The following COL14A1 variants were observed in gnomAD, a reference collection of about 807,000 sequenced individuals.
COL14A1 encodes the protein collagen alpha-1(XIV) chain.
Under a neutral mutation model 230.3 loss-of-function variants are expected in COL14A1, and 136 were observed. The observed-to-expected ratio is 0.59, with a 90% CI of 0.51 to 0.68. COL14A1 has a LOEUF of 0.68. COL14A1 is among the 30% of genes least tolerant of loss of function. COL14A1 has a pLI of 0.00. For missense variants in COL14A1, 1,976 were observed against 2,215.8 expected (o/e 0.89, Z 2.17); for synonymous variants, 792 against 784.1 (o/e 1.01, Z -0.17).
At chr8:120,177,444 T>G (rs1816315563) in intron 5 of COL14A1, among the ~76,000 whole-genome samples, 1 of 151,094 alleles carries the variant, frequency 6.6e-6, no homozygotes, top group East Asian at 1.9e-4. Context: ...AGGCCACGAG[T>G]TCAAGACCAG....
At chr8:120,346,673 A>C (rs541444376) in intron 45 of COL14A1, among the ~76,000 whole-genome samples, 1 of 152,110 alleles carries the variant, frequency 6.6e-6, no homozygotes, top group East Asian at 1.9e-4. Context: ...TCTTACTCTT[A>C]GTTCAAGGCT....
intron 10 of COL14A1, 24 bp downstream of exon 10, chr8:120,207,118 A>T: frequency 1.3e-6 from 2 of 1,590,358 alleles, no homozygotes; most frequent in Middle Eastern, 1.7e-4. Flanking sequence ...AGTATTTTCA[A>T]ACCATTCTTT....
At chr8:120,367,306 T>C (rs1235882483) in intron 46 of COL14A1, 58 bp downstream of exon 46, 1 of 1,410,494 alleles carries the variant, frequency 7.1e-7, no homozygotes, top group African/African-American at 1.4e-5. Flanking sequence ...TCACTTGGCA[T>C]TGCAAGTGAG....
At chr8:120,351,209 A>G (rs1313642110) in intron 45 of COL14A1, among the ~76,000 whole-genome samples, 3 of 149,254 alleles carry the variant, frequency 2.0e-5, no homozygotes, top group Non-Finnish European at 3.0e-5. Context: ...GACACAACAT[A>G]CCAGAATCTC....
At chr8:120,318,906 C>T (rs1288349241) in intron 40 of COL14A1, among the ~76,000 whole-genome samples, 1 of 152,172 alleles carries the variant, frequency 6.6e-6, no homozygotes, top group Non-Finnish European at 1.5e-5. Flanking sequence ...TTATTTTCCT[C>T]CACTCTGAGC....
At chr8:120,147,964 G>A (rs890149076) in intron 2 of COL14A1, 34 bp downstream of exon 2, 1 of 1,391,900 alleles carries the variant, frequency 7.2e-7, no homozygotes, top group Non-Finnish European at 1.0e-6. Flanking sequence ...GTAGGGTCTG[G>A]GACTCTAGCT....
chr8:120,359,609 A>G (rs1013603066), intron 45 of COL14A1, among the ~76,000 whole-genome samples: 1 of 152,208 alleles, frequency 6.6e-6, no homozygotes, highest in Admixed American at 6.5e-5. Context: ...CTTAATAGCC[A>G]ATAGTGGAAA....
At chr8:120,331,162 G>C (rs1218757975) in intron 40 of COL14A1, among the ~76,000 whole-genome samples, 4 of 136,474 alleles carry the variant, frequency 2.9e-5, no homozygotes, top group Non-Finnish European at 6.4e-5. Flanking sequence ...AAGTGGAAAA[G>C]ATGGCTCACT....
intron 42 of COL14A1, among the ~76,000 whole-genome samples, chr8:120,335,247 A>G (rs1041104886): frequency 2.0e-5 from 3 of 152,202 alleles, no homozygotes; most frequent in Non-Finnish European, 4.4e-5. Context: ...GACTCTAAAT[A>G]TAGTATCTAC....
At position 120,345,468 on chromosome 8, in the gene COL14A1, G is replaced by C. The variant is rs1822470134; in HGVS notation, c.4982G>C (p.Arg1661Thr). 1.2e-6 allele frequency: 2 copies of C among 1,602,896 alleles called. No homozygotes were observed. The highest frequency in any genetic ancestry group is 1.7e-6 in the Non-Finnish European group (2 of 1,175,046). The change falls in exon 45 of 48, where the codon AGG (arginine) becomes ACG (threonine). Residue 1661 changes from arginine (R) to threonine (T), a missense_variant. This residue lies in a region of COL14A1 where 1,791 missense variants were observed against 2,019.5 expected (regional missense o/e 0.89). Coordinates refer to ENST00000297848, the MANE Select transcript of COL14A1 (RefSeq NM_021110.4). Reference protein sequence around the residue: ...TVQGPPGEPGRPGSPGAPGEQ... With the variant: ...TVQGPPGEPGTPGSPGAPGEQ... The stretch of plus-strand genomic sequence containing the variant: ...CAAGGGCCTCCTGGGGAGCCTGGGA[G>C]GCCAGGCTCACCTGGAGCCCCTGGT...
In COL14A1 at chr8:120,300,787, A is replaced by G. The variant is rs370255829; in HGVS notation, c.4370A>G (p.Asn1457Ser). 16 of 1,613,530 alleles carry G rather than the reference A, an allele frequency of 9.9e-6. No individual in the cohort carries two copies. The highest frequency in any genetic ancestry group is 4.5e-5 in the East Asian group (2 of 44,878). ...CATTCCTGCTCCTGTTCTGAAACCA[A>G]TGAAGTGGCTCTGGGACCAGCGGGC... ...LPHSCSCSET[N>S]EVALGPAGPP... Residue 1457 changes from asparagine (N) to serine (S), a missense_variant, in exon 36 of 48, where the codon AAT becomes AGT. Asn to Ser is a conservative substitution (Grantham distance 46). Coordinates refer to ENST00000297848, the MANE Select transcript of COL14A1 (RefSeq NM_021110.4).
intron 5 of COL14A1, among the ~76,000 whole-genome samples, chr8:120,185,272 T>C (rs1377487129): frequency 6.6e-6 from 1 of 152,210 alleles, no homozygotes; most frequent in Non-Finnish European, 1.5e-5. Context: ...GCAGTGACCA[T>C]CTGTGTTGCA....
At chr8:120,246,342 G>A (rs985205044) in intron 20 of COL14A1, among the ~76,000 whole-genome samples, 2 of 152,136 alleles carry the variant, frequency 1.3e-5, no homozygotes, top group Non-Finnish European at 2.9e-5. Flanking sequence ...AGGGACATGA[G>A]GAAGGAGAGA....
At chr8:120,212,814 T>C (rs543129213) in intron 13 of COL14A1, among the ~76,000 whole-genome samples, 1 of 152,320 alleles carries the variant, frequency 6.6e-6, no homozygotes, top group African/African-American at 2.4e-5. Flanking sequence ...TATGTCTTTC[T>C]TTGTCTAAAT....
At chr8:120,292,043 A>G (rs1458664254) in intron 34 of COL14A1, among the ~76,000 whole-genome samples, 1 of 152,122 alleles carries the variant, frequency 6.6e-6, no homozygotes, top group East Asian at 1.9e-4. Flanking sequence ...TTTGTTTTGC[A>G]TATATTCCAT....
intron 23 of COL14A1, 55 bp downstream of exon 23, chr8:120,255,411 TGCACACCAC>T: frequency 7.9e-7 from 1 of 1,267,816 alleles, no homozygotes; most frequent in Non-Finnish European, 1.2e-6. Context: ...TTTGATTCTT[TGCACACCAC>T]TGTGTACAAC....
At chr8:120,366,614 G>A (rs1379408981) in intron 45 of COL14A1, among the ~76,000 whole-genome samples, 1 of 152,206 alleles carries the variant, frequency 6.6e-6, no homozygotes, top group Non-Finnish European at 1.5e-5. Flanking sequence ...TAAGAGGTCT[G>A]CTCCATGGAA....
intron 24 of COL14A1, among the ~76,000 whole-genome samples, chr8:120,266,556 A>G (rs1819505878): frequency 6.6e-6 from 1 of 152,012 alleles, no homozygotes; most frequent in African/African-American, 2.4e-5. Flanking sequence ...CAACATTAGA[A>G]CCACTTTGTA....
intron 40 of COL14A1, among the ~76,000 whole-genome samples, chr8:120,328,720 T>G (rs917885259): frequency 3.3e-5 from 5 of 152,222 alleles, no homozygotes; most frequent in African/African-American, 1.2e-4. Flanking sequence ...GACTTGTTTT[T>G]TAAACTCCTT....
Sources: gnomAD v4.1 joint callset for allele counts (sites outside exome capture counted in the v4.1 genomes callset) on GRCh38, gnomAD v4.1.1 for gene constraint, gnomAD v4.1.1 regional missense constraint, MANE v1.5 for transcripts, NCBI Gene and HGNC (gene_info 2026-07-23, HGNC 2026-07-21) for gene names.